The following STK38 variants were observed in gnomAD, a reference collection of about 807,000 sequenced individuals.
STK38 encodes serine/threonine-protein kinase 38.
STK38 carries 26 observed loss-of-function variants against 59.0 expected under a neutral mutation model. The observed-to-expected ratio is 0.44, with a 90% CI of 0.32 to 0.61. The LOEUF (loss-of-function observed/expected upper bound fraction) is 0.61. STK38 is among the 20% of genes least tolerant of loss of function. The pLI is 0.04. For missense variants in STK38, 433 were observed against 566.0 expected (o/e 0.76, Z 2.38); for synonymous variants, 175 against 176.6 (o/e 0.99, Z 0.07).
At chr6:36,501,495 A>G (rs1431965034) in intron 9 of STK38, among the ~76,000 whole-genome samples, 2 of 151,726 alleles carry the variant, frequency 1.3e-5, no homozygotes, top group Admixed American at 6.6e-5. Context: ...TACAATACAG[A>G]CCCATTACCC....
At chr6:36,527,448 G>A (rs1480898285) in intron 2 of STK38, among the ~76,000 whole-genome samples, 1 of 151,164 alleles carries the variant, frequency 6.6e-6, no homozygotes, top group Non-Finnish European at 1.5e-5. Context: ...TTACTTGGGA[G>A]GGGCTGAGGC....
chr6:36,507,807 A>G (rs993191037), intron 7 of STK38, among the ~76,000 whole-genome samples: 3 of 152,166 alleles, frequency 2.0e-5, no homozygotes, highest in African/African-American at 7.2e-5. Context: ...TCATTTCTGC[A>G]TATCATCTTT....
intron 6 of STK38, 104 bp downstream of exon 6, chr6:36,517,613 C>T (rs773623017): frequency 1.5e-4 from 219 of 1,478,666 alleles, no homozygotes; most frequent in Non-Finnish European, 1.9e-4. Flanking sequence ...TAGAAAGCAA[C>T]TTTGTGAGCA....
At chr6:36,507,692 G>T in intron 7 of STK38, 90 bp from the exon 8 acceptor site, 1 of 867,306 alleles carries the variant, frequency 1.2e-6, no homozygotes, top group Non-Finnish European at 1.8e-6. Context: ...ATCCATTATA[G>T]CTCTACAGCC....
Position 36,495,407 on chromosome 6 carries a change from T to C in STK38, c.*377A>G. 3 of 179,034 alleles carry C rather than the reference T, an allele frequency of 1.7e-5. No individual in the cohort carries two copies. The highest frequency in any genetic ancestry group is 5.7e-5 in the Admixed American group (1 of 17,626). 11.1% of individuals were successfully genotyped at this position (179,034 alleles called of 1,614,324 possible). ...CTTGGCAGAGAGCGTGTCACAAAATTACAGGAACTGGCTGATATTCGATGA... is the reference window on the plus strand; with the variant it reads ...CTTGGCAGAGAGCGTGTCACAAAATCACAGGAACTGGCTGATATTCGATGA... On this transcript the variant is annotated 3_prime_UTR_variant, in exon 14 of 14. Coordinates refer to ENST00000229812, the MANE Select transcript of STK38 (RefSeq NM_007271.4).
intron 9 of STK38, 24 bp from the exon 10 acceptor site, chr6:36,500,014 C>G (rs659726): frequency 0.35 from 551,180 of 1,588,950 alleles, 104,491 homozygotes; most frequent in African/African-American, 0.66. Context: ...CACACATCAG[C>G]GAGGCCCAGC....
chr6:36,546,825 G>A (rs1778063279), intron 1 of STK38, among the ~76,000 whole-genome samples: 1 of 152,174 alleles, frequency 6.6e-6, no homozygotes, highest in Non-Finnish European at 1.5e-5. Flanking sequence ...GAAGGAAAAG[G>A]AGATAAAAAC....
chr6:36,522,876 A>AAAAAAG (rs774099487), intron 4 of STK38, among the ~76,000 whole-genome samples: 1,257 of 98,546 alleles, frequency 0.013, 4 homozygotes, highest in East Asian at 0.019. Context: ...AAAAAAAAAA[A>AAAAAAG]AAGAAGAAGA....
intron 6 of STK38, among the ~76,000 whole-genome samples, chr6:36,517,481 G>C (rs1472877473): frequency 6.6e-6 from 1 of 152,094 alleles, no homozygotes; most frequent in Non-Finnish European, 1.5e-5. Context: ...AGAAAAGAAA[G>C]AAATGTCCAT....
intron 9 of STK38, among the ~76,000 whole-genome samples, chr6:36,506,248 C>A (rs980548528): frequency 5.3e-5 from 8 of 152,052 alleles, no homozygotes; most frequent in Non-Finnish European, 8.8e-5. Flanking sequence ...GGTATTTGTA[C>A]TTAGTTCTGA....
intron 3 of STK38, 87 bp downstream of exon 3, chr6:36,525,504 C>T (rs2127481955): frequency 7.9e-7 from 1 of 1,272,254 alleles, no homozygotes; most frequent in African/African-American, 1.5e-5. Flanking sequence ...CAAAACCCTT[C>T]TCATGTGTAC....
intron 3 of STK38, among the ~76,000 whole-genome samples, 197 bp downstream of exon 3, chr6:36,525,394 G>A (rs1250139463): frequency 6.6e-6 from 1 of 152,070 alleles, no homozygotes; most frequent in Non-Finnish European, 1.5e-5. Context: ...TGCATCTAGA[G>A]AAGCCTTCCT....
intron 2 of STK38, among the ~76,000 whole-genome samples, chr6:36,536,982 C>A: frequency 6.6e-6 from 1 of 151,052 alleles, no homozygotes. Flanking sequence ...ACAAGATGAG[C>A]AAGAAAGCCA....
At chr6:36,525,692 T>G in intron 2 of STK38, 50 bp from the exon 3 acceptor site, 1 of 1,463,752 alleles carries the variant, frequency 6.8e-7, no homozygotes, top group Non-Finnish European at 9.5e-7. Context: ...AATGATAACT[T>G]TCTGAAAATT....
rs151236982 is a variant in STK38, at chr6:36,495,585, A to G, written c.*199T>C. ...CAGGATAGCTGTTTATGGCCGACGTAGTAGAAATGGTTGTCTTTGTTTACA... is the reference window on the plus strand; with the variant it reads ...CAGGATAGCTGTTTATGGCCGACGTGGTAGAAATGGTTGTCTTTGTTTACA... On this transcript the variant is annotated 3_prime_UTR_variant, in exon 14 of 14. Coordinates refer to ENST00000229812, the MANE Select transcript of STK38 (RefSeq NM_007271.4). The G allele has an allele frequency of 3.4e-5, 20 of 586,570 alleles. No individual in the cohort carries two copies. Among genetic ancestry groups the G allele is most frequent in the South Asian group, 1.9e-4 (8 of 41,094 alleles). 36.3% of individuals were successfully genotyped at this position (586,570 alleles called of 1,614,324 possible). A position where few individuals can be genotyped will look rare whatever the true frequency, so the allele number is the denominator to read the frequency against.
At chr6:36,506,396 A>T (rs1411846821) in intron 9 of STK38, among the ~76,000 whole-genome samples, 187 bp downstream of exon 9, 1 of 152,176 alleles carries the variant, frequency 6.6e-6, no homozygotes, top group African/African-American at 2.4e-5. Flanking sequence ...AAAACAACCT[A>T]ATATTACCTG....
rs1297603067 is a variant in STK38 at position 36,541,276 on chromosome 6, A to G, written c.-5-1069T>C. ...AAAGAGAACAAGATCACAATACCAT[A>G]TAGATAAATTAAGAATATATAGTAA... On this transcript the variant is annotated intron_variant, in intron 1 of 13. Transcript: ENST00000229812. Among the ~76,000 whole-genome samples, 9 of 152,224 alleles carry G rather than the reference A, an allele frequency of 5.9e-5. 1 individual carries two copies. Among genetic ancestry groups the G allele is most frequent in the Admixed American group, 5.9e-4 (9 of 15,274 alleles).
chr6:36,534,349 C>G (rs534730946), intron 2 of STK38, among the ~76,000 whole-genome samples: 2 of 152,268 alleles, frequency 1.3e-5, no homozygotes, highest in South Asian at 2.1e-4. Flanking sequence ...CTTAGCTCCT[C>G]AGCCAAATTG....
intron 5 of STK38, 111 bp from the exon 6 acceptor site, chr6:36,517,951 C>A: frequency 1.5e-6 from 2 of 1,331,432 alleles, no homozygotes; most frequent in South Asian, 2.0e-5. Context: ...AGTATTTAAT[C>A]GTGATGATAT....
Sources: allele counts gnomAD v4.1 joint callset (sites outside exome capture counted in the v4.1 genomes callset), GRCh38; gene constraint gnomAD v4.1.1; transcripts MANE v1.5; gene names NCBI Gene and HGNC (gene_info 2026-07-23, HGNC 2026-07-21).